SPECC1L: variants seen among roughly 807,000 people sequenced by gnomAD.
The protein encoded by SPECC1L is cytospin-A.
A neutral mutation model predicts 116.8 loss-of-function variants in SPECC1L; 40 were observed. The ratio of observed to expected loss-of-function variants is 0.34; its 90% CI spans 0.27 to 0.45. The LOEUF is 0.45. Ranked by LOEUF, SPECC1L falls within the 20% of genes least tolerant of loss-of-function variation. The pLI is 1.00. For missense variants in SPECC1L, 1,110 were observed against 1,373.6 expected, an observed-to-expected ratio of 0.81 and a Z score of 3.03; for synonymous variants, 504 against 500.6, an observed-to-expected ratio of 1.01 and a Z score of -0.09.
chr22:24,345,601 A>C (rs2146557481), intron 10 of SPECC1L, among the ~76,000 whole-genome samples: 1 of 152,140 alleles, frequency 6.6e-6, no homozygotes, highest in Middle Eastern at 3.4e-3. Flanking sequence ...TAATGGGCTA[A>C]GATTTGAGAA....
At chr22:24,324,094 G>A in intron 5 of SPECC1L, 126 bp from the exon 6 acceptor site, 1 of 760,684 alleles carries the variant, frequency 1.3e-6, no homozygotes, top group Non-Finnish European at 2.3e-6. Context: ...TATTACACAG[G>A]TTGTTTTAGT....
At chr22:24,320,685 T>C (rs761751050) in intron 4 of SPECC1L, among the ~76,000 whole-genome samples, 9 of 152,268 alleles carry the variant, frequency 5.9e-5, no homozygotes, top group Non-Finnish European at 1.3e-4. Flanking sequence ...TATAACCAAG[T>C]GCTAGGTATG....
In SPECC1L at chr22:24,415,057, T is replaced by C. The variant is rs1601380241; in HGVS notation, c.*434T>C. 8.2e-6 allele frequency: 2 copies of C among 244,904 alleles called. No homozygotes were observed. The highest frequency in any genetic ancestry group is 1.6e-5 in the Non-Finnish European group (2 of 121,742). 15.2% of individuals were successfully genotyped at this position (244,904 alleles called of 1,614,324 possible). A position where few individuals can be genotyped will look rare whatever the true frequency, so the allele number is the denominator to read the frequency against. On this transcript the variant is annotated 3_prime_UTR_variant, in exon 17 of 17. Transcript: ENST00000314328. ...GACTATTGGCTGGGGTGGGTTCCGG[T>C]GCTGGTGAGAACCCAGAAGGAGAGT...
intron 2 of SPECC1L, among the ~76,000 whole-genome samples, chr22:24,284,973 A>C (rs1407521783): frequency 6.6e-6 from 1 of 152,192 alleles, no homozygotes; most frequent in African/African-American, 2.4e-5. Context: ...AAGTAAGTGT[A>C]ATTTTGTAGT....
intron 10 of SPECC1L, among the ~76,000 whole-genome samples, chr22:24,340,224 C>T (rs1827579186): frequency 7.2e-6 from 1 of 139,788 alleles, no homozygotes; most frequent in African/African-American, 2.8e-5. Flanking sequence ...TTTCGGCTCA[C>T]TGCAACCTCC....
chr22:24,272,924 G>A (rs1231681683), intron 1 of SPECC1L, among the ~76,000 whole-genome samples: 4 of 152,076 alleles, frequency 2.6e-5, no homozygotes, highest in Middle Eastern at 3.2e-3. Context: ...GGTGTGTAGG[G>A]GTTTTCTTGA....
intron 14 of SPECC1L, among the ~76,000 whole-genome samples, chr22:24,383,271 G>T (rs192529529): frequency 1.3e-5 from 2 of 152,152 alleles, no homozygotes; most frequent in African/African-American, 4.8e-5. Context: ...ATAGTATCCT[G>T]CATTCCATCA....
At chr22:24,329,309 G>A (rs1234181663) in intron 7 of SPECC1L, among the ~76,000 whole-genome samples, 1 of 152,196 alleles carries the variant, frequency 6.6e-6, no homozygotes, top group Non-Finnish European at 1.5e-5. Flanking sequence ...AATCTGAAAT[G>A]CTTTTGGATA....
intron 10 of SPECC1L, among the ~76,000 whole-genome samples, chr22:24,344,592 C>CAAAAAAAAAAAAAAAAA (rs35725042): frequency 8.5e-6 from 1 of 117,938 alleles, no homozygotes; most frequent in Non-Finnish European, 1.8e-5. Context: ...TGCATAAGAC[C>CAAAAAAAAAAAAAAAAA]AAAAAAAAAA....
intron 11 of SPECC1L, among the ~76,000 whole-genome samples, chr22:24,349,016 T>G (rs2041361940): frequency 6.6e-6 from 1 of 152,000 alleles, no homozygotes; most frequent in Non-Finnish European, 1.5e-5. Flanking sequence ...TTCTTCTTCC[T>G]CTCCTGTGTG....
At chr22:24,406,445 G>A (rs2042592436) in intron 14 of SPECC1L, among the ~76,000 whole-genome samples, 1 of 152,206 alleles carries the variant, frequency 6.6e-6, no homozygotes, top group Non-Finnish European at 1.5e-5. Context: ...GAGCAGTCTG[G>A]AAGGAGGCTG....
At chr22:24,311,826 A>G (rs1427320094) in intron 3 of SPECC1L, among the ~76,000 whole-genome samples, 1 of 151,578 alleles carries the variant, frequency 6.6e-6, no homozygotes, top group Non-Finnish European at 1.5e-5. Flanking sequence ...AAAAAAAAAA[A>G]AAGAATATGA....
At chr22:24,356,575 G>A (rs2041537395) in intron 11 of SPECC1L, among the ~76,000 whole-genome samples, 1 of 151,852 alleles carries the variant, frequency 6.6e-6, no homozygotes, top group Non-Finnish European at 1.5e-5. Context: ...TAAGTTTCTT[G>A]TAGACGGTAT....
chr22:24,364,612 G>C (rs1002908920), intron 12 of SPECC1L, among the ~76,000 whole-genome samples: 1 of 147,992 alleles, frequency 6.8e-6, no homozygotes, highest in Non-Finnish European at 1.5e-5. Flanking sequence ...GCAGTAAGCC[G>C]AGATGCGCCA....
At chr22:24,366,395 G>T (rs1363753640) in intron 13 of SPECC1L, among the ~76,000 whole-genome samples, 1 of 151,936 alleles carries the variant, frequency 6.6e-6, no homozygotes, top group African/African-American at 2.4e-5. Flanking sequence ...GGGTTTCACC[G>T]TGTTAGCCAG....
rs1229294388 is a variant in SPECC1L at position 24,323,019 on chromosome 22, T to C, written c.1938+101T>C. ...GTTACTGGTTTGGTTTGGTGTGTTATTAGCTTTTTTTTAAAACTGATATTT... is the reference window on the plus strand; with the variant it reads ...GTTACTGGTTTGGTTTGGTGTGTTACTAGCTTTTTTTTAAAACTGATATTT... On this transcript the variant is annotated intron_variant, in intron 5 of 16. Transcript: ENST00000314328. The C allele has an allele frequency of 4.4e-5, 65 of 1,490,612 alleles. No individual in the cohort carries two copies. The Admixed American group carries it at 7.9e-4, about 18-fold the overall frequency. The allele number at this position is 1,490,612 out of a possible 1,614,324, so 92.3% of individuals were successfully genotyped here.
chr22:24,411,049 G>A (rs1441187848), intron 14 of SPECC1L, among the ~76,000 whole-genome samples: 2 of 152,054 alleles, frequency 1.3e-5, no homozygotes, highest in Admixed American at 6.5e-5. Flanking sequence ...ATAGCCGGGT[G>A]TGGTGGCACA....
chr22:24,414,001 C>T (rs1286706368), intron 16 of SPECC1L, among the ~76,000 whole-genome samples: 1 of 152,104 alleles, frequency 6.6e-6, no homozygotes, highest in East Asian at 1.9e-4. Context: ...TCCACGGTTT[C>T]CCAAGTTTAT....
In SPECC1L at chr22:24,322,397, C is replaced by T. The variant is rs761342220; in HGVS notation, c.1417C>T (p.His473Tyr). The part of the protein sequence containing the change: ...IEYFRSLLDE[H>Y]HISYVIDEDV... Reference sequence around the variant, plus strand: ...ATACTTCCGCTCTCTTCTAGATGAGCATCACATTTCTTATGTCATAGATGA... The same window carrying T: ...ATACTTCCGCTCTCTTCTAGATGAGTATCACATTTCTTATGTCATAGATGA... The change falls in exon 5 of 17, where the codon CAT (histidine) becomes TAT (tyrosine). Residue 473 changes from histidine to tyrosine, a missense_variant. Coordinates refer to ENST00000314328, the MANE Select transcript of SPECC1L (RefSeq NM_015330.6). 1 of 1,614,210 alleles carries T rather than the reference C, an allele frequency of 6.2e-7. No individual in the cohort carries two copies. The highest frequency in any genetic ancestry group is 2.2e-5 in the East Asian group (1 of 44,888).
Sources: gnomAD v4.1 joint callset for allele counts (sites outside exome capture counted in the v4.1 genomes callset) on GRCh38, gnomAD v4.1.1 for gene constraint, MANE v1.5 for transcripts, NCBI Gene and HGNC (gene_info 2026-07-23, HGNC 2026-07-21) for gene names.